The following NDUFAF6 variants were observed in gnomAD, a reference collection of about 807,000 sequenced individuals.
NDUFAF6 encodes NADH:ubiquinone oxidoreductase complex assembly factor 6, also known as NADH dehydrogenase (ubiquinone) complex I, assembly factor 6.
Under a neutral mutation model 40.8 loss-of-function variants are expected in NDUFAF6, and 45 were observed. The observed-to-expected ratio is 1.10, with a 90% CI of 0.87 to 1.42. NDUFAF6 has a LOEUF of 1.42. NDUFAF6 is among the 40% of genes most tolerant of loss of function. The pLI is 0.00. For synonymous variants in NDUFAF6, 185 were observed against 155.9 expected (o/e 1.19, Z -1.39); for missense variants, 435 against 418.5 (o/e 1.04, Z -0.34).
Position 95,052,621 on chromosome 8 carries a change from A to AT in NDUFAF6, c.873+400dup, listed in dbSNP as rs201814400. On this transcript the variant is annotated intron_variant, in intron 8 of 8. Coordinates refer to ENST00000396124, the MANE Select transcript of NDUFAF6 (RefSeq NM_152416.4). ...CTATATAAGTATTACTATTCTGTTC[A>AT]TTTTTTTTTCCATTGTGACCTGACC... Among the ~76,000 whole-genome samples the AT allele has an allele frequency of 1.2e-3, 179 of 151,392 alleles. 2 individuals carry two copies. In the East Asian group the frequency reaches 0.029, roughly 25 times the overall value.
At chr8:94,926,258 C>T (rs1819882520) in intron 1 of NDUFAF6, 1 of 152,318 alleles carries the variant, frequency 6.6e-6, no homozygotes, top group African/African-American at 2.4e-5. Context: ...AACCAAATGT[C>T]CCTTTTGAAT....
chr8:95,063,670 G>A (rs373207947), downstream of NDUFAF6, among the ~76,000 whole-genome samples: 5 of 152,044 alleles, frequency 3.3e-5, 1 homozygote, highest in South Asian at 4.1e-4. Flanking sequence ...TTTTAATCAC[G>A]ATTAATCTTC....
intron 8 of NDUFAF6, among the ~76,000 whole-genome samples, chr8:95,057,314 A>G (rs1344491549): frequency 1.3e-5 from 2 of 152,140 alleles, no homozygotes; most frequent in East Asian, 1.9e-4. Flanking sequence ...TGGGGAAAGG[A>G]TGGGGTGATA....
chr8:95,073,174 C>G (rs1298470878), intron 9 of NDUFAF6: 2 of 152,656 alleles, frequency 1.3e-5, no homozygotes, highest in Admixed American at 6.5e-5. Context: ...CGGGTCGCTG[C>G]CCGGAGCTGT....
chr8:95,007,306 C>CA (rs11369422), intron 2 of NDUFAF6, among the ~76,000 whole-genome samples: 116,535 of 149,416 alleles, frequency 0.78, 45,360 homozygotes, highest in East Asian at 0.92. Context: ...CCTGTAATAC[C>CA]AAAAAAAAAA....
At position 94,946,696 on chromosome 8, in the gene NDUFAF6, CAAAAAA is replaced by C. The variant is rs71273438; in HGVS notation, c.-799+1096_-799+1101del. On this transcript the variant is annotated intron_variant, in intron 2 of 14. Transcript: ENST00000396113. ...TGGTCAACAGAGTAAGACCCTGTCTCAAAAAAAAAAAAAAAAAAAAAAAAGACAGGC... is the reference window on the plus strand; with the variant it reads ...TGGTCAACAGAGTAAGACCCTGTCTCAAAAAAAAAAAAAAAAAAGACAGGC... 1.9e-3 allele frequency among the ~76,000 whole-genome samples: 66 copies of C among 34,700 alleles called. 3 individuals are homozygous for C. Among genetic ancestry groups the C allele is most frequent in the Admixed American group, 5.1e-3 (10 of 1,950 alleles). 22.8% of individuals were successfully genotyped at this position (34,700 alleles called of 152,430 possible).
chr8:94,961,507 C>T (rs754631126), intron 1 of NDUFAF6, among the ~76,000 whole-genome samples: 5 of 152,188 alleles, frequency 3.3e-5, no homozygotes, highest in Non-Finnish European at 5.9e-5. Context: ...CTGCAACCTC[C>T]GCCTCCCGGG....
intron 1 of NDUFAF6, among the ~76,000 whole-genome samples, chr8:94,970,223 C>T (rs1824350006): frequency 6.9e-6 from 1 of 144,890 alleles, no homozygotes; most frequent in Non-Finnish European, 1.5e-5. Context: ...CCACTGCACT[C>T]CAGCCTGGTG....
chr8:94,896,983 TCGG>T (rs1817659769), intron 1 of NDUFAF6, among the ~76,000 whole-genome samples: 1 of 152,190 alleles, frequency 6.6e-6, no homozygotes, highest in Admixed American at 6.5e-5. Context: ...AGGATGGCTC[TCGG>T]CGGGGCAGAA....
At chr8:95,101,438 C>T (rs1809643383) in intron 2 of NDUFAF6, among the ~76,000 whole-genome samples, 1 of 152,196 alleles carries the variant, frequency 6.6e-6, no homozygotes, top group African/African-American at 2.4e-5. Context: ...TGTCTCCCAA[C>T]TTCCAGAGAC....
chr8:94,934,645 G>C (rs1383567004), intron 1 of NDUFAF6, among the ~76,000 whole-genome samples: 1 of 152,066 alleles, frequency 6.6e-6, no homozygotes, highest in Non-Finnish European at 1.5e-5. Context: ...CTCCCAAAGT[G>C]CTTGGATTAC....
At chr8:95,084,824 C>G (rs1039005150) in intron 2 of NDUFAF6, among the ~76,000 whole-genome samples, 2 of 152,234 alleles carry the variant, frequency 1.3e-5, no homozygotes, top group African/African-American at 2.4e-5. Context: ...TGCAACCAAA[C>G]TTTCCCACAA....
chr8:94,954,845 A>G (rs1295633249), upstream of NDUFAF6, among the ~76,000 whole-genome samples: 2 of 152,246 alleles, frequency 1.3e-5, no homozygotes, highest in Non-Finnish European at 2.9e-5. Context: ...ACACTTCCAG[A>G]AAGGCCCACA....
chr8:95,046,874 T>G, intron 5 of NDUFAF6, 120 bp from the exon 6 acceptor site: 1 of 1,355,376 alleles, frequency 7.4e-7, no homozygotes, highest in Non-Finnish European at 1.0e-6. Flanking sequence ...ATCCTGTTTT[T>G]CAGATGTAAA....
chr8:95,044,841 A>T (rs1051592402), intron 4 of NDUFAF6, among the ~76,000 whole-genome samples: 1 of 151,856 alleles, frequency 6.6e-6, no homozygotes. Flanking sequence ...AATAGGGGAT[A>T]ATATTTTGCC....
At chr8:94,960,924 G>A (rs1033684540) in intron 1 of NDUFAF6, among the ~76,000 whole-genome samples, 4 of 152,204 alleles carry the variant, frequency 2.6e-5, no homozygotes, top group Admixed American at 1.3e-4. Context: ...TACATAAACT[G>A]TGACAAGGCT....
At chr8:95,074,945 A>G (rs533449487) in intron 9 of NDUFAF6, among the ~76,000 whole-genome samples, 1 of 152,340 alleles carries the variant, frequency 6.6e-6, no homozygotes, top group East Asian at 1.9e-4. Context: ...TCATTCAAAG[A>G]AAGCAGGAAT....
intron 2 of NDUFAF6, among the ~76,000 whole-genome samples, chr8:95,019,618 A>G (rs1827608154): frequency 6.6e-6 from 1 of 152,234 alleles, no homozygotes; most frequent in African/African-American, 2.4e-5. Context: ...AAAATTGGCA[A>G]TATAAGATCA....
chr8:94,981,277 T>C (rs1185435446), intron 2 of NDUFAF6, among the ~76,000 whole-genome samples: 1 of 152,222 alleles, frequency 6.6e-6, no homozygotes, highest in Non-Finnish European at 1.5e-5. Flanking sequence ...CCCGTCCACT[T>C]TTCTGCCACA....
Sources: allele counts gnomAD v4.1 joint callset (sites outside exome capture counted in the v4.1 genomes callset), GRCh38; gene constraint gnomAD v4.1.1; transcripts MANE v1.5; gene names NCBI Gene and HGNC (gene_info 2026-07-23, HGNC 2026-07-21).